The following ZKSCAN7 variants were observed in gnomAD, a reference collection of about 807,000 sequenced individuals.
ZKSCAN7 encodes the protein zinc finger protein with KRAB and SCAN domains 7.
ZKSCAN7 carries 38 observed loss-of-function variants against 65.3 expected under a neutral mutation model. That is an observed-to-expected ratio of 0.58 (90% CI 0.45 to 0.76). The LOEUF is 0.76. ZKSCAN7 is among the 30% of genes least tolerant of loss of function. The probability of loss-of-function intolerance (pLI) is 0.00; values close to 1 mark genes in which losing one functional copy is unlikely to be tolerated. For synonymous variants in ZKSCAN7, 321 were observed against 321.0 expected, an observed-to-expected ratio of 1.00 and a Z score of 0.00; for missense variants, 815 against 913.3, an observed-to-expected ratio of 0.89 and a Z score of 1.39.
intron 2 of ZKSCAN7, among the ~76,000 whole-genome samples, 157 bp from the exon 3 acceptor site, chr3:44,565,330 T>A (rs1281127716): frequency 6.6e-6 from 1 of 151,440 alleles, no homozygotes. Flanking sequence ...CTTTCACAGT[T>A]TTTTTTTTCC....
intron 2 of ZKSCAN7, among the ~76,000 whole-genome samples, chr3:44,560,921 G>A (rs561982042): frequency 8.5e-5 from 13 of 152,270 alleles, no homozygotes; most frequent in South Asian, 2.1e-4. Flanking sequence ...TCCCTTGCCC[G>A]AAAGATTTAG....
chr3:44,581,152 C>T, intron 5 of ZKSCAN7: 2 of 929,588 alleles, frequency 2.2e-6, no homozygotes. Context: ...GGCCTCCTTC[C>T]CTGCGGGCGG....
At chr3:44,561,358 C>G (rs1435046632) in intron 2 of ZKSCAN7, among the ~76,000 whole-genome samples, 1 of 152,184 alleles carries the variant, frequency 6.6e-6, no homozygotes, top group African/African-American at 2.4e-5. Flanking sequence ...CCCCATGATC[C>G]AGTCATCTCC....
At chr3:44,573,922 T>C (rs373244407), downstream of ZKSCAN7, among the ~76,000 whole-genome samples, 15 of 152,324 alleles carry the variant, frequency 9.8e-5, no homozygotes, top group African/African-American at 3.4e-4. Context: ...CTTAAAAGCC[T>C]GAGGCTTTTG....
rs774897399 is a variant in ZKSCAN7, at chr3:44,571,253, G to A, written c.2143G>A (p.Gly715Arg). 9.9e-6 allele frequency: 16 copies of A among 1,614,066 alleles called. No homozygotes were observed. Among genetic ancestry groups the A allele is most frequent in the African/African-American group, 4.0e-5 (3 of 74,906 alleles). Residue 715 changes from glycine to arginine, a missense_variant, in exon 6 of 6, where the codon GGA becomes AGA. Gly to Arg is a moderately radical substitution (Grantham distance 125). This residue lies in a region of ZKSCAN7 where 578 missense variants were observed against 629.5 expected (regional missense o/e 0.92). Transcript: ENST00000426540. ...TATTGTACACCAGAGAGTCCACACC[G>A]GAGAGAAACCTTATGAATGTAGTGA... ...QLIVHQRVHT[G>R]EKPYECSECG...
intron 5 of ZKSCAN7, among the ~76,000 whole-genome samples, chr3:44,582,536 T>C (rs1700109926): frequency 6.6e-6 from 1 of 152,192 alleles, no homozygotes; most frequent in Non-Finnish European, 1.5e-5. Context: ...ATAATAAAGA[T>C]TGAAATTGCT....
chr3:44,577,960 G>A (rs1031975564), intron 5 of ZKSCAN7, among the ~76,000 whole-genome samples: 7 of 152,298 alleles, frequency 4.6e-5, no homozygotes, highest in African/African-American at 9.6e-5. Flanking sequence ...AGCTTCAACC[G>A]TTCTTGCACC....
At chr3:44,557,851 CAG>C (rs1179399334) in intron 2 of ZKSCAN7, among the ~76,000 whole-genome samples, 2 of 152,184 alleles carry the variant, frequency 1.3e-5, no homozygotes, top group African/African-American at 4.8e-5. Context: ...TTGGACTTCT[CAG>C]AGTCAATTTT....
rs942211336 is a variant in ZKSCAN7 at position 44,578,340 on chromosome 3, C to T, written c.812-4632C>T. The T allele has an allele frequency of 3.7e-6, 6 of 1,600,762 alleles. No homozygotes were observed. In the African/African-American group the frequency reaches 8.0e-5, roughly 21 times the overall value. On this transcript the variant is annotated intron_variant, in intron 5 of 5. Coordinates refer to the ZKSCAN7 transcript ENST00000341840. ...CGCAATAAGACTTCTAGTTCATAGGCATCCTTGCCCTGTGCAAGGGGTGAC... is the reference window on the plus strand; with the variant it reads ...CGCAATAAGACTTCTAGTTCATAGGTATCCTTGCCCTGTGCAAGGGGTGAC...
rs1254484053 is a variant in ZKSCAN7 at position 44,565,545 on chromosome 3, CAACA to C, written c.485_488del (p.Thr162ArgfsTer76). 1 of 1,612,986 alleles carries C rather than the reference CAACA, an allele frequency of 6.2e-7. No individual in the cohort carries two copies. Among genetic ancestry groups the C allele is most frequent in the Admixed American group, 1.7e-5 (1 of 59,772 alleles). Reference sequence around the variant, plus strand: ...TTTGAGGAGACAACAGCTCTGGGTACAACAAAGGAATCTCCTCCTACCTCACCCC... The same window carrying C: ...TTTGAGGAGACAACAGCTCTGGGTACAAGGAATCTCCTCCTACCTCACCCC... On this transcript the variant is annotated frameshift_variant, in exon 3 of 6. Transcript: ENST00000426540. LOFTEE classifies it high-confidence loss of function.
At chr3:44,576,514 A>AT (rs1007673040), downstream of ZKSCAN7, among the ~76,000 whole-genome samples, 4 of 151,094 alleles carry the variant, frequency 2.6e-5, no homozygotes, top group East Asian at 1.9e-4. Flanking sequence ...TTTCTCTTGA[A>AT]TTTTTTTTTC....
At chr3:44,582,962 T>C in intron 5 of ZKSCAN7, 1 of 447,828 alleles carries the variant, frequency 2.2e-6, no homozygotes, top group Non-Finnish European at 4.5e-6. Flanking sequence ...GTTTCACTCT[T>C]GTCTTCCAGG....
chr3:44,566,663 G>C (rs1699639955), intron 3 of ZKSCAN7, among the ~76,000 whole-genome samples: 1 of 151,736 alleles, frequency 6.6e-6, no homozygotes, highest in Admixed American at 6.6e-5. Flanking sequence ...AGAGAGATAG[G>C]GTCTCACTCT....
chr3:44,579,972 G>C (rs1370351581), intron 5 of ZKSCAN7: 2 of 1,375,222 alleles, frequency 1.5e-6, no homozygotes, highest in African/African-American at 1.5e-5. Flanking sequence ...TGGGAGAGGA[G>C]CTTGGGGGGG....
At chr3:44,556,789 G>A (rs1471965282) in intron 1 of ZKSCAN7, 141 bp from the exon 2 acceptor site, 6 of 539,222 alleles carry the variant, frequency 1.1e-5, no homozygotes, top group East Asian at 6.7e-5. Flanking sequence ...TTTAAGAAGG[G>A]CATCATTTGG....
chr3:44,567,446 G>C (rs1699669570), intron 3 of ZKSCAN7, among the ~76,000 whole-genome samples: 1 of 152,192 alleles, frequency 6.6e-6, no homozygotes, highest in South Asian at 2.1e-4. Flanking sequence ...GCATGTGGTA[G>C]GGGTCTAGGA....
Position 44,570,471 on chromosome 3 carries a change from T to C in ZKSCAN7, c.1361T>C (p.Leu454Pro), listed in dbSNP as rs781260651. Residue 454 changes from leucine to proline, a missense_variant, in exon 6 of 6, where the codon CTC becomes CCC. Coordinates refer to ENST00000426540, the MANE Select transcript of ZKSCAN7 (RefSeq NM_001288590.2). ...CGKAYRHSSH[L>P]IQHQRLHNGE... ...AAGGCCTATAGGCACAGCTCCCATCTCATTCAACACCAGAGACTCCATAAT... is the reference window on the plus strand; with the variant it reads ...AAGGCCTATAGGCACAGCTCCCATCCCATTCAACACCAGAGACTCCATAAT... 1.2e-6 allele frequency: 2 copies of C among 1,614,134 alleles called. No individual in the cohort carries two copies. The highest frequency in any genetic ancestry group is 1.7e-6 in the Non-Finnish European group (2 of 1,180,020).
At chr3:44,559,591 T>C (rs533999911) in intron 2 of ZKSCAN7, among the ~76,000 whole-genome samples, 1 of 152,198 alleles carries the variant, frequency 6.6e-6, no homozygotes, top group East Asian at 1.9e-4. Flanking sequence ...CACACCTGGC[T>C]AATTTTTGTG....
rs531270196 is a variant in ZKSCAN7, at chr3:44,571,981, T to C, written c.*606T>C. On this transcript the variant is annotated 3_prime_UTR_variant, in exon 6 of 6. Transcript: ENST00000426540. ...ACTTCTCTTGATTTGACCTCAGTGC[T>C]TTGAATTCACTGGTGCTACAATATG... 1.1e-4 allele frequency: 110 copies of C among 986,764 alleles called. 1 individual carries two copies. In the African/African-American group the frequency reaches 1.6e-3, roughly 14 times the overall value. 61.1% of individuals were successfully genotyped at this position (986,764 alleles called of 1,614,324 possible). A position where few individuals can be genotyped will look rare whatever the true frequency, so the allele number is the denominator to read the frequency against.
Sources: allele counts gnomAD v4.1 joint callset (sites outside exome capture counted in the v4.1 genomes callset), GRCh38; gene constraint gnomAD v4.1.1; regional missense constraint gnomAD v4.1.1; transcripts MANE v1.5; gene names NCBI Gene and HGNC (gene_info 2026-07-23, HGNC 2026-07-21).